Variants in SNED1 observed in about 807,000 individuals in gnomAD.
SNED1 encodes sushi, nidogen and EGF-like domain-containing protein 1.
In SNED1, 81 loss-of-function variants were observed where a neutral mutation model predicts 166.7. The ratio of observed to expected loss-of-function variants is 0.49; its 90% CI spans 0.41 to 0.58. The LOEUF is 0.58. SNED1 is among the 20% of genes least tolerant of loss of function. The pLI is 0.00. For synonymous variants in SNED1, 762 were observed against 822.0 expected (o/e 0.93, Z 1.25); for missense variants, 1,604 against 2,000.2 (o/e 0.80, Z 3.78).
rs2062722829 is a variant in SNED1, at chr2:241,071,647, C to T, written c.3661C>T (p.Pro1221Ser). The T allele has an allele frequency of 1.9e-6, 3 of 1,574,144 alleles. No individual in the cohort carries two copies. Among genetic ancestry groups the T allele is most frequent in the East Asian group, 2.3e-5 (1 of 43,418 alleles). ...CCCTCGGGTGCTCAAGAACAGACCG[C>T]CCCCGGCGCGCCTGCCGGAGCTGCG... ...HHPRVLKNRP[P>S]PARLPELRLL... Residue 1221 changes from proline (P) to serine (S), a missense_variant, in exon 25 of 32, where the codon CCC (proline) becomes TCC (serine). This residue lies in a region of SNED1 where 367 missense variants were observed against 379.4 expected (regional missense o/e 0.97). Coordinates refer to ENST00000310397, the MANE Select transcript of SNED1 (RefSeq NM_001080437.3).
intron 1 of SNED1, among the ~76,000 whole-genome samples, chr2:241,007,251 G>A (rs897112914): frequency 6.6e-6 from 1 of 152,184 alleles, no homozygotes; most frequent in African/African-American, 2.4e-5. Flanking sequence ...CTGAGTTTTT[G>A]GTGATAAGGT....
Position 241,051,909 on chromosome 2 carries a change from T to G in SNED1, c.1852+49T>G. ...GAGGGCAGGAACGACGGGCCAGCCCTGAGCTGGGGCCCCTGATGCACCCTC... is the reference window on the plus strand; with the variant it reads ...GAGGGCAGGAACGACGGGCCAGCCCGGAGCTGGGGCCCCTGATGCACCCTC... On this transcript the variant is annotated intron_variant, in intron 13 of 31. Transcript: ENST00000310397. This position sits in a 1 kb window ranked among gnomAD's most constrained non-coding sequence, Gnocchi z 4.7. The G allele has an allele frequency of 4.0e-6, 6 of 1,501,264 alleles. No homozygotes were observed. The highest frequency in any genetic ancestry group is 5.4e-6 in the Non-Finnish European group (6 of 1,110,494). 93.0% of individuals were successfully genotyped at this position (1,501,264 alleles called of 1,614,324 possible). A position where few individuals can be genotyped will look rare whatever the true frequency, so the allele number is the denominator to read the frequency against.
intron 15 of SNED1, 75 bp from the exon 16 acceptor site, chr2:241,053,078 T>C: frequency 7.0e-7 from 1 of 1,426,418 alleles, no homozygotes; most frequent in East Asian, 2.5e-5. Context: ...TGCAGTCGGG[T>C]CGGGCAGAGG....
intron 21 of SNED1, among the ~76,000 whole-genome samples, chr2:241,066,124 C>T (rs1193504277): frequency 1.3e-5 from 2 of 152,264 alleles, no homozygotes; most frequent in East Asian, 3.9e-4. Flanking sequence ...AGAGCCTCCA[C>T]CTGGAGCTGG....
In SNED1 at chr2:241,051,756, T is replaced by C; in HGVS notation, c.1748T>C (p.Leu583Pro). The C allele has an allele frequency of 1.3e-6, 2 of 1,522,484 alleles. No homozygotes were observed. Among genetic ancestry groups the C allele is most frequent in the Admixed American group, 2.1e-5 (1 of 47,282 alleles). The allele number at this position is 1,522,484 out of a possible 1,614,324, so 94.3% of individuals were successfully genotyped here. ...GKHCEKARPH[L>P]CSSGPCRNGG... The stretch of plus-strand genomic sequence containing the variant: ...TCCTTCCACACAGCCCGGCCACACC[T>C]GTGCAGCTCAGGGCCCTGCCGGAAC... The change falls in exon 13 of 32, where the codon CTG becomes CCG. Residue 583 changes from leucine (L) to proline (P), a missense_variant. Transcript: ENST00000310397. The surrounding 1 kb of genome is among the most constrained non-coding windows in gnomAD (Gnocchi z 4.7).
chr2:241,014,014 CTT>C, intron 1 of SNED1, among the ~76,000 whole-genome samples: 1 of 143,648 alleles, frequency 7.0e-6, no homozygotes, highest in African/African-American at 2.5e-5. Context: ...TTTTTCTTTT[CTT>C]TTTTTTTTTT....
chr2:241,068,983 C>G lies in SNED1; in HGVS notation c.3267C>G (p.Pro1089=). 6.4e-7 allele frequency: 1 copy of G among 1,556,274 alleles called. No homozygotes were observed. Among genetic ancestry groups the G allele is most frequent in the Non-Finnish European group, 8.7e-7 (1 of 1,150,296 alleles). ...TLSGLRGEEH[P]TESLATAPTH... ...GTGGGCTCAGGGGAGAGGAGCACCCCACAGAGAGCCTGGCCACCGCGCCGA... is the reference window on the plus strand; with the variant it reads ...GTGGGCTCAGGGGAGAGGAGCACCCGACAGAGAGCCTGGCCACCGCGCCGA... Residue 1089 remains proline, a synonymous_variant, in exon 23 of 32, where the codon CCC becomes CCG. Transcript: ENST00000310397. This position sits in a 1 kb window ranked among gnomAD's most constrained non-coding sequence, Gnocchi z 5.3.
At chr2:241,000,333 G>A (rs901472446) in intron 1 of SNED1, among the ~76,000 whole-genome samples, 1 of 152,246 alleles carries the variant, frequency 6.6e-6, no homozygotes, top group Non-Finnish European at 1.5e-5. Context: ...CTCGGTGGCA[G>A]CACTGGGTGA....
intron 6 of SNED1, among the ~76,000 whole-genome samples, chr2:241,038,732 T>C (rs1328339023): frequency 6.6e-6 from 1 of 152,254 alleles, no homozygotes; most frequent in Non-Finnish European, 1.5e-5. Flanking sequence ...GACTCAGCCC[T>C]GCAGGCGTCT....
intron 16 of SNED1, among the ~76,000 whole-genome samples, chr2:241,061,922 C>G (rs1412950094): frequency 6.6e-6 from 1 of 151,792 alleles, no homozygotes; most frequent in Non-Finnish European, 1.5e-5. Context: ...AAGACCCAGC[C>G]AGTGAGAATG....
At chr2:241,090,092 A>G in intron 31 of SNED1, 1 of 1,507,484 alleles carries the variant, frequency 6.6e-7, no homozygotes, top group Non-Finnish European at 8.9e-7. Flanking sequence ...TTTACTTTAT[A>G]CATTTTTAAT....
chr2:241,069,769 C>T lies in SNED1; in HGVS notation c.3308-151C>T, dbSNP rs2062623409. ...GAAGATTGTGCTGTACGTGCCAGCC[C>T]ACACCCCGCCTCGGCACTGTACCAT... On this transcript the variant is annotated intron_variant, in intron 23 of 31. Coordinates refer to ENST00000310397, the MANE Select transcript of SNED1 (RefSeq NM_001080437.3). The surrounding 1 kb of genome is among the most constrained non-coding windows in gnomAD (Gnocchi z 4.9). The T allele has an allele frequency of 1.1e-6, 1 of 891,706 alleles. No individual in the cohort carries two copies. The highest frequency in any genetic ancestry group is 2.6e-5 in the East Asian group (1 of 37,974). The allele number at this position is 891,706 out of a possible 1,614,324, so 55.2% of individuals were successfully genotyped here.
At chr2:241,062,572 T>A (rs1426585497) in intron 16 of SNED1, among the ~76,000 whole-genome samples, 1 of 152,180 alleles carries the variant, frequency 6.6e-6, no homozygotes, top group Non-Finnish European at 1.5e-5. Context: ...TGGGGTGGTT[T>A]CAAGCCCGCC....
In SNED1 at chr2:240,998,719, C is replaced by A; in HGVS notation, c.-119C>A. On this transcript the variant is annotated 5_prime_UTR_variant, in exon 1 of 32. Transcript: ENST00000310397. ...GGACGCGGAGCCCCCGACGGCGCGG[C>A]CAGCGGGCGCGCCCGCGCTCCCCGC... The A allele has an allele frequency of 4.0e-6, 1 of 249,780 alleles. No individual in the cohort carries two copies. Among genetic ancestry groups the A allele is most frequent in the Non-Finnish European group, 6.3e-6 (1 of 159,862 alleles). The allele number at this position is 249,780 out of a possible 1,614,324, so 15.5% of individuals were successfully genotyped here.
intron 8 of SNED1, among the ~76,000 whole-genome samples, chr2:241,047,844 C>T (rs975284980): frequency 1.3e-5 from 2 of 151,990 alleles, no homozygotes; most frequent in East Asian, 3.9e-4. Context: ...GCTTCTTGTT[C>T]TGTCCAATCC....
In SNED1 at chr2:241,067,931, G is replaced by A. The variant is rs1175215776; in HGVS notation, c.3178G>A (p.Asp1060Asn). 7 of 1,611,100 alleles carry A rather than the reference G, an allele frequency of 4.3e-6. No homozygotes were observed. Among genetic ancestry groups the A allele is most frequent in the Non-Finnish European group, 4.2e-6 (5 of 1,178,320 alleles). Residue 1060 changes from aspartate (D) to asparagine (N), a missense_variant, in exon 22 of 32, where the codon GAC becomes AAC. This residue lies in a region of SNED1 where 1,237 missense variants were observed against 1,620.8 expected (regional missense o/e 0.76). Coordinates refer to ENST00000310397, the MANE Select transcript of SNED1 (RefSeq NM_001080437.3). Reference protein sequence around the residue: ...DQATDVDRSVDRFTFRALLPG... With the variant: ...DQATDVDRSVNRFTFRALLPG... ...GGCCACCGATGTGGACAGGAGTGTG[G>A]ACAGGTTCACCTTTAGGTAAGAAGG...
chr2:241,022,091 T>C (rs915396817), intron 1 of SNED1, among the ~76,000 whole-genome samples: 15 of 152,248 alleles, frequency 9.9e-5, no homozygotes, highest in African/African-American at 3.1e-4. Context: ...GCTTTTATTA[T>C]TGAGTTGTAA....
intron 29 of SNED1, among the ~76,000 whole-genome samples, chr2:241,084,340 G>C (rs1284789166): frequency 1.3e-5 from 2 of 152,048 alleles, no homozygotes; most frequent in East Asian, 1.9e-4. Flanking sequence ...TTTACGTAGA[G>C]ACAGGGTTTC....
chr2:241,033,567 T>G, intron 2 of SNED1, 168 bp from the exon 3 acceptor site: 1 of 700,348 alleles, frequency 1.4e-6, no homozygotes, highest in East Asian at 2.9e-5. Flanking sequence ...CAGCAGAGGA[T>G]GAGGCCACCA....
Sources: allele counts gnomAD v4.1 joint callset (sites outside exome capture counted in the v4.1 genomes callset), GRCh38; gene constraint gnomAD v4.1.1; regional missense constraint gnomAD v4.1.1; non-coding constraint Gnocchi (gnomAD v3.1); transcripts MANE v1.5; gene names NCBI Gene and HGNC (gene_info 2026-07-23, HGNC 2026-07-21).